RAB15: variants seen among roughly 807,000 people sequenced by gnomAD.
RAB15 encodes the protein RAB15, member RAS oncogene family.
RAB15 carries 13 observed loss-of-function variants against 31.8 expected under a neutral mutation model. That is an observed-to-expected ratio of 0.41 (90% CI 0.27 to 0.65). RAB15 has a LOEUF of 0.65. Among genes scored for constraint, RAB15 ranks in the 30% least tolerant of loss-of-function variants. The pLI is 0.32. For synonymous variants in RAB15, 100 were observed against 105.6 expected (o/e 0.95, Z 0.33); for missense variants, 220 against 277.3 (o/e 0.79, Z 1.47).
chr14:64,954,346 G>C lies in RAB15; in HGVS notation c.125-1775C>G. On this transcript the variant is annotated intron_variant, in intron 1 of 6. Coordinates refer to ENST00000533601, the MANE Select transcript of RAB15 (RefSeq NM_001308154.2). The surrounding 1 kb of genome is among the most constrained non-coding windows in gnomAD (Gnocchi z 4.3). The stretch of plus-strand genomic sequence containing the variant: ...GTTATCAGGCACCTGTTTCTCCCCA[G>C]TACCTGGCATAGAAGGGAATCAAGA... 1 of 985,374 alleles carries C rather than the reference G, an allele frequency of 1.0e-6. No homozygotes were observed. Among genetic ancestry groups the C allele is most frequent in the Non-Finnish European group, 1.2e-6 (1 of 829,904 alleles). 61.0% of individuals were successfully genotyped at this position (985,374 alleles called of 1,614,324 possible).
intron 1 of RAB15, among the ~76,000 whole-genome samples, chr14:64,956,667 G>A (rs940867156): frequency 5.9e-5 from 9 of 152,140 alleles, no homozygotes; most frequent in African/African-American, 2.2e-4. Flanking sequence ...CAGAGCTTCG[G>A]CTTTAGAATC....
chr14:64,959,254 A>C (rs1236366816), intron 1 of RAB15, among the ~76,000 whole-genome samples: 1 of 152,172 alleles, frequency 6.6e-6, no homozygotes, highest in Non-Finnish European at 1.5e-5. Flanking sequence ...GTATCCATAG[A>C]GCACATGCCC....
intron 1 of RAB15, among the ~76,000 whole-genome samples, chr14:64,957,609 G>T (rs942437657): frequency 4.6e-5 from 7 of 152,176 alleles, no homozygotes; most frequent in Non-Finnish European, 1.0e-4. Flanking sequence ...CCTGAGCTAT[G>T]GAATCCCTCA....
intron 1 of RAB15, among the ~76,000 whole-genome samples, chr14:64,957,221 G>A (rs141499568): frequency 3.1e-4 from 47 of 152,198 alleles, no homozygotes; most frequent in African/African-American, 1.0e-3. Flanking sequence ...ATAGGCATGA[G>A]CCTCCGCACC....
chr14:64,956,562 G>GT (rs1361577076), intron 1 of RAB15, among the ~76,000 whole-genome samples: 3 of 152,276 alleles, frequency 2.0e-5, no homozygotes, highest in East Asian at 3.9e-4. Flanking sequence ...TCACACATGC[G>GT]TAAGTTTGAG....
In RAB15 at chr14:64,964,518, C is replaced by CA. The variant is rs1257040368; in HGVS notation, c.124+7434dup. On this transcript the variant is annotated intron_variant, in intron 1 of 6. Coordinates refer to ENST00000533601, the MANE Select transcript of RAB15 (RefSeq NM_001308154.2). ...CTGGTGACAGAGCAAGACTCTGTTT[C>CA]AAAAAAAAAAAAGAAAAAAAGAAAA... Among the ~76,000 whole-genome samples, 533 of 71,788 alleles carry CA rather than the reference C, an allele frequency of 7.4e-3. 10 individuals are homozygous for CA. The highest frequency in any genetic ancestry group is 0.023 in the African/African-American group (361 of 16,018). 47.1% of individuals were successfully genotyped at this position (71,788 alleles called of 152,430 possible).
rs575504111 is a variant in RAB15, at chr14:64,963,279, C to A, written c.124+8674G>T. Reference sequence around the variant, plus strand: ...GGACTACAGGCGTGCTCTACCACACCCAGCTAATTTTTGTATTTTTAGTAG... The same window carrying A: ...GGACTACAGGCGTGCTCTACCACACACAGCTAATTTTTGTATTTTTAGTAG... On this transcript the variant is annotated intron_variant, in intron 1 of 6. Coordinates refer to ENST00000533601, the MANE Select transcript of RAB15 (RefSeq NM_001308154.2). 5.9e-5 allele frequency among the ~76,000 whole-genome samples: 9 copies of A among 152,044 alleles called. No homozygotes were observed. The South Asian group carries it at 1.9e-3, about 32-fold the overall frequency.
Position 64,972,249 on chromosome 14 carries a change from C to T in RAB15, c.-173G>A, listed in dbSNP as rs1887470073. The T allele has an allele frequency of 3.6e-6, 1 of 275,540 alleles. No individual in the cohort carries two copies. The highest frequency in any genetic ancestry group is 5.5e-6 in the Non-Finnish European group (1 of 182,890). The allele number at this position is 275,540 out of a possible 1,614,324, so 17.1% of individuals were successfully genotyped here. ...GCCTGCCCACTCGCTCGCTGGGTGC[C>T]GGGAAGCGCGGCTGCGGCGGGAGCC... On this transcript the variant is annotated 5_prime_UTR_variant, in exon 1 of 7. Coordinates refer to ENST00000533601, the MANE Select transcript of RAB15 (RefSeq NM_001308154.2). This position sits in a 1 kb window ranked among gnomAD's most constrained non-coding sequence, Gnocchi z 6.3.
intron 1 of RAB15, among the ~76,000 whole-genome samples, chr14:64,965,144 CT>C (rs1475155798): frequency 2.0e-5 from 3 of 152,178 alleles, no homozygotes; most frequent in Non-Finnish European, 4.4e-5. Flanking sequence ...GTTTTCTTTT[CT>C]TTTCTTTTTG....
rs192600191 is a variant in RAB15, at chr14:64,951,390, G to A, written c.246+213C>T. The stretch of plus-strand genomic sequence containing the variant: ...GGATCTTTGACCCAGGATGGAGGGT[G>A]GAAGTCAGGGGTGAGGGCAGGGGCC... On this transcript the variant is annotated intron_variant, in intron 3 of 6. Coordinates refer to ENST00000533601, the MANE Select transcript of RAB15 (RefSeq NM_001308154.2). The surrounding 1 kb of genome is among the most constrained non-coding windows in gnomAD (Gnocchi z 7.2). Among the ~76,000 whole-genome samples the A allele has an allele frequency of 1.3e-5, 2 of 152,348 alleles. No homozygotes were observed. Among genetic ancestry groups the A allele is most frequent in the African/African-American group, 2.4e-5 (1 of 41,582 alleles).
rs1187121480 is a variant in RAB15, at chr14:64,946,230, CCTT to C, written c.*2121_*2123del. Reference sequence around the variant, plus strand: ...CCCTAGGGTACAGTACAAATATAGTCCTTCTTTCCTGAGGGGGCTAGGAGAGAA... The same window carrying C: ...CCCTAGGGTACAGTACAAATATAGTCCTTTCCTGAGGGGGCTAGGAGAGAA... On this transcript the variant is annotated 3_prime_UTR_variant, in exon 7 of 7. Transcript: ENST00000533601. The C allele has an allele frequency of 1.3e-5, 2 of 152,176 alleles. No individual in the cohort carries two copies. The highest frequency in any genetic ancestry group is 1.9e-4 in the East Asian group (1 of 5,188). The allele number at this position is 152,176 out of a possible 1,614,324, so 9.4% of individuals were successfully genotyped here. A position where few individuals can be genotyped will look rare whatever the true frequency, so the allele number is the denominator to read the frequency against.
In RAB15 at chr14:64,964,011, A is replaced by G. The variant is rs369994457; in HGVS notation, c.124+7942T>C. ...GTTTGGATGTCTGGTTCCCAGCTAC[A>G]CTGTAAGCTCCCAGAGGGCAAAGCA... On this transcript the variant is annotated intron_variant, in intron 1 of 6. Coordinates refer to ENST00000533601, the MANE Select transcript of RAB15 (RefSeq NM_001308154.2). Among the ~76,000 whole-genome samples the G allele has an allele frequency of 9.9e-4, 151 of 152,280 alleles. 3 individuals carry two copies. In the South Asian group the frequency reaches 0.021, roughly 21 times the overall value.
In RAB15 at chr14:64,962,755, A is replaced by G. The variant is rs1212102685; in HGVS notation, c.124+9198T>C. Among the ~76,000 whole-genome samples, 2 of 152,118 alleles carry G rather than the reference A, an allele frequency of 1.3e-5. No individual in the cohort carries two copies. The highest frequency in any genetic ancestry group is 2.9e-5 in the Non-Finnish European group (2 of 68,028). On this transcript the variant is annotated intron_variant, in intron 1 of 6. Coordinates refer to ENST00000533601, the MANE Select transcript of RAB15 (RefSeq NM_001308154.2). This position sits in a 1 kb window ranked among gnomAD's most constrained non-coding sequence, Gnocchi z 4.2. ...TCAACAGTACTCTCTCCTTTGTTAC[A>G]AAAGGGGAACTGCAGCAAGACCCCT...
intron 1 of RAB15, among the ~76,000 whole-genome samples, chr14:64,969,831 C>T (rs1412422835): frequency 1.3e-5 from 2 of 151,968 alleles, no homozygotes; most frequent in East Asian, 3.9e-4. Flanking sequence ...CAGAAGGTGT[C>T]TAAGAAGGGA....
Position 64,947,176 on chromosome 14 carries a change from C to T in RAB15, c.*1178G>A, listed in dbSNP as rs756718170. 1.3e-5 allele frequency: 2 copies of T among 152,534 alleles called. No homozygotes were observed. Among genetic ancestry groups the T allele is most frequent in the Non-Finnish European group, 2.9e-5 (2 of 68,064 alleles). The allele number at this position is 152,534 out of a possible 1,614,324, so 9.4% of individuals were successfully genotyped here. On this transcript the variant is annotated 3_prime_UTR_variant, in exon 7 of 7. Transcript: ENST00000533601. This position sits in a 1 kb window ranked among gnomAD's most constrained non-coding sequence, Gnocchi z 5.6. The stretch of plus-strand genomic sequence containing the variant: ...CTGAAGGCTAGGCTCAGTCCTCCGC[C>T]TGGGAGTCTGAGGAAATGCTCTTCT...
rs992077270 is a variant in RAB15, at chr14:64,958,553, C to T, written c.125-5982G>A. Among the ~76,000 whole-genome samples the T allele has an allele frequency of 6.6e-6, 1 of 152,208 alleles. No individual in the cohort carries two copies. The highest frequency in any genetic ancestry group is 1.9e-4 in the East Asian group (1 of 5,206). ...ATTTTGTTACAGCAGCCAGCCCTAACTAAGACACCCACCATAGCCTATTTT... is the reference window on the plus strand; with the variant it reads ...ATTTTGTTACAGCAGCCAGCCCTAATTAAGACACCCACCATAGCCTATTTT... On this transcript the variant is annotated intron_variant, in intron 1 of 6. Coordinates refer to ENST00000533601, the MANE Select transcript of RAB15 (RefSeq NM_001308154.2). This position sits in a 1 kb window ranked among gnomAD's most constrained non-coding sequence, Gnocchi z 4.4.
At position 64,964,246 on chromosome 14, in the gene RAB15, G is replaced by A. The variant is rs573147255; in HGVS notation, c.124+7707C>T. On this transcript the variant is annotated intron_variant, in intron 1 of 6. Transcript: ENST00000533601. ...TTAGAAAATAACCCACTTTTAGGCC[G>A]GGCGTGGTGGCTCATGCCCGTAATC... 1.3e-4 allele frequency among the ~76,000 whole-genome samples: 20 copies of A among 152,192 alleles called. No individual in the cohort carries two copies. In the South Asian group the frequency reaches 1.7e-3, roughly 13 times the overall value.
In RAB15 at chr14:64,953,872, C is replaced by T. The variant is rs1292180384; in HGVS notation, c.125-1301G>A. On this transcript the variant is annotated intron_variant, in intron 1 of 6. Coordinates refer to ENST00000533601, the MANE Select transcript of RAB15 (RefSeq NM_001308154.2). This position sits in a 1 kb window ranked among gnomAD's most constrained non-coding sequence, Gnocchi z 4.6. ...ATGGGAACATGGTAGAGTTCCGAAC[C>T]GTCTGCCACCAGCTGCACTGCCCGG... The T allele has an allele frequency of 8.1e-6, 8 of 985,352 alleles. No homozygotes were observed. Among genetic ancestry groups the T allele is most frequent in the African/African-American group, 3.5e-5 (2 of 57,338 alleles). 61.0% of individuals were successfully genotyped at this position (985,352 alleles called of 1,614,324 possible). A position where few individuals can be genotyped will look rare whatever the true frequency, so the allele number is the denominator to read the frequency against.
rs1258959189 is a variant in RAB15, at chr14:64,950,056, G to A, written c.414+269C>T. Among the ~76,000 whole-genome samples, 2 of 152,194 alleles carry A rather than the reference G, an allele frequency of 1.3e-5. No homozygotes were observed. The highest frequency in any genetic ancestry group is 1.9e-4 in the East Asian group (1 of 5,184). ...ACACGGGGATGATCTCTTAAGCAGA[G>A]GGCAATCCTGCATTTGGGGACCTGG... is the stretch of plus-strand genomic sequence containing the variant. On this transcript the variant is annotated intron_variant, in intron 5 of 6. Transcript: ENST00000533601. The surrounding 1 kb of genome is among the most constrained non-coding windows in gnomAD (Gnocchi z 5.6).
Sources: allele counts gnomAD v4.1 joint callset (sites outside exome capture counted in the v4.1 genomes callset), GRCh38; gene constraint gnomAD v4.1.1; non-coding constraint Gnocchi (gnomAD v3.1); transcripts MANE v1.5; gene names NCBI Gene and HGNC (gene_info 2026-07-23, HGNC 2026-07-21).